KCNU1: variants seen among roughly 807,000 people sequenced by gnomAD.
The protein encoded by KCNU1 is potassium channel subfamily U member 1.
A neutral mutation model predicts 126.8 loss-of-function variants in KCNU1; 93 were observed. The ratio of observed to expected loss-of-function variants is 0.73; its 90% CI spans 0.62 to 0.87. The LOEUF (loss-of-function observed/expected upper bound fraction) is 0.87. Among genes scored for constraint, KCNU1 ranks in the 40% least tolerant of loss-of-function variants. KCNU1 has a pLI of 0.00. For missense variants in KCNU1, 1,330 were observed against 1,367.1 expected (o/e 0.97, Z 0.43); for synonymous variants, 523 against 494.2 (o/e 1.06, Z -0.77).
At chr8:36,821,454 A>G (rs1465771674) in intron 10 of KCNU1, among the ~76,000 whole-genome samples, 2 of 152,116 alleles carry the variant, frequency 1.3e-5, no homozygotes, top group Non-Finnish European at 2.9e-5. Flanking sequence ...TCACTTCTCC[A>G]TTCAGTTCAC....
At position 36,871,896 on chromosome 8, in the gene KCNU1, G is replaced by C. The variant is rs746274055; in HGVS notation, c.2009+7375G>C. Reference sequence around the variant, plus strand: ...ATAATCTCCTAAAAGGCAGGAATGAGACCTTGTCTGTTTAGGGTCATATAT... The same window carrying C: ...ATAATCTCCTAAAAGGCAGGAATGACACCTTGTCTGTTTAGGGTCATATAT... On this transcript the variant is annotated intron_variant, in intron 19 of 26. Coordinates refer to ENST00000399881, the MANE Select transcript of KCNU1 (RefSeq NM_001031836.3). 6.2e-4 allele frequency among the ~76,000 whole-genome samples: 94 copies of C among 152,134 alleles called. 2 individuals carry two copies. The highest frequency in any genetic ancestry group is 1.8e-4 in the Non-Finnish European group (12 of 68,022).
chr8:36,847,314 G>T (rs562130538), intron 18 of KCNU1, among the ~76,000 whole-genome samples: 1 of 152,040 alleles, frequency 6.6e-6, no homozygotes, highest in Non-Finnish European at 1.5e-5. Context: ...TCAAATCGGG[G>T]TAATTAGCAT....
chr8:36,814,551 G>A (rs1215548593), intron 8 of KCNU1, among the ~76,000 whole-genome samples, 174 bp downstream of exon 8: 3 of 152,148 alleles, frequency 2.0e-5, no homozygotes, highest in Non-Finnish European at 4.4e-5. Context: ...TGCATCCCCT[G>A]GAGCTCAGGA....
chr8:36,806,455 T>G, intron 5 of KCNU1, 75 bp downstream of exon 5: 2 of 765,724 alleles, frequency 2.6e-6, no homozygotes, highest in Non-Finnish European at 4.3e-6. Context: ...TAAGTATCTA[T>G]TTTTCATTTG....
rs541204964 is a variant in KCNU1 at position 36,889,289 on chromosome 8, T to C, written c.2010-16419T>C. 6.8e-5 allele frequency: 36 copies of C among 528,192 alleles called. No individual in the cohort carries two copies. The East Asian group carries it at 1.9e-3, about 27-fold the overall frequency. 32.7% of individuals were successfully genotyped at this position (528,192 alleles called of 1,614,324 possible). A position where few individuals can be genotyped will look rare whatever the true frequency, so the allele number is the denominator to read the frequency against. ...CCATATATGATTTTTTAAGGAATGG[T>C]TTAGAAATTAAAAGATGTTAAGAAA... On this transcript the variant is annotated intron_variant, in intron 19 of 26. Transcript: ENST00000399881.
intron 25 of KCNU1, 47 bp from the exon 26 acceptor site, chr8:36,932,872 CT>C (rs1396291785): frequency 7.3e-6 from 8 of 1,091,676 alleles, no homozygotes; most frequent in Non-Finnish European, 1.1e-5. Context: ...CTTATAATTG[CT>C]TGATCAAAGT....
intron 2 of KCNU1, among the ~76,000 whole-genome samples, chr8:36,794,495 C>T (rs1803021365): frequency 6.6e-6 from 1 of 151,120 alleles, no homozygotes; most frequent in Middle Eastern, 3.4e-3. Context: ...ATTTTTTTTC[C>T]AATTTATCTT....
chr8:36,846,314 A>G (rs1805142946), intron 18 of KCNU1, among the ~76,000 whole-genome samples: 1 of 152,164 alleles, frequency 6.6e-6, no homozygotes, highest in South Asian at 2.1e-4. Context: ...TCATGACCAT[A>G]CCTTAAGTAC....
At chr8:36,836,209 C>T (rs1804740657) in intron 12 of KCNU1, 87 bp from the exon 13 acceptor site, 5 of 819,722 alleles carry the variant, frequency 6.1e-6, no homozygotes, top group Admixed American at 4.3e-5. Context: ...CACTTACCTA[C>T]ATATCAATTT....
In KCNU1 at chr8:36,845,842, A is replaced by G. The variant is rs1232920238; in HGVS notation, c.1834A>G (p.Ile612Val). Reference protein sequence around the residue: ...YCSVCHDDVFIPELITNCGCK... With the variant: ...YCSVCHDDVFVPELITNCGCK... Reference sequence around the variant, plus strand: ...TTCAGTCTGTCATGATGATGTGTTCATTCCTGAGCTAATTACAAACTGTGG... The same window carrying G: ...TTCAGTCTGTCATGATGATGTGTTCGTTCCTGAGCTAATTACAAACTGTGG... The change falls in exon 18 of 27, where the codon ATT becomes GTT. Residue 612 changes from isoleucine (I) to valine (V), a missense_variant. By Grantham distance (29) the Ile-to-Val change is conservative. Transcript: ENST00000399881. 17 of 1,610,184 alleles carry G rather than the reference A, an allele frequency of 1.1e-5. 1 individual carries two copies. In the South Asian group the frequency reaches 1.8e-4, roughly 17 times the overall value.
At chr8:36,819,502 C>T (rs1804044771) in intron 10 of KCNU1, among the ~76,000 whole-genome samples, 1 of 152,112 alleles carries the variant, frequency 6.6e-6, no homozygotes, top group Non-Finnish European at 1.5e-5. Context: ...TATGTAAATC[C>T]TAATTCTGTT....
chr8:36,923,479 C>T (rs1270751613), intron 24 of KCNU1, among the ~76,000 whole-genome samples: 2 of 152,134 alleles, frequency 1.3e-5, no homozygotes, highest in Non-Finnish European at 1.5e-5. Flanking sequence ...GTGACCCCAG[C>T]TCTGGGGGAG....
At chr8:36,847,586 G>A (rs1375289322) in intron 18 of KCNU1, among the ~76,000 whole-genome samples, 3 of 152,074 alleles carry the variant, frequency 2.0e-5, no homozygotes, top group African/African-American at 7.2e-5. Flanking sequence ...CCATGTGTGG[G>A]TGAACATGTG....
chr8:36,847,805 C>G (rs552880083), intron 18 of KCNU1, among the ~76,000 whole-genome samples: 1 of 152,260 alleles, frequency 6.6e-6, no homozygotes, highest in South Asian at 2.1e-4. Flanking sequence ...TTTTGATACA[C>G]TGATTATTTT....
chr8:36,909,972 A>G (rs1489777498), intron 21 of KCNU1, among the ~76,000 whole-genome samples: 2 of 152,168 alleles, frequency 1.3e-5, no homozygotes, highest in Non-Finnish European at 2.9e-5. Context: ...GACATTTTAT[A>G]TGGACCATAT....
At chr8:36,861,254 C>T (rs1365373744) in intron 18 of KCNU1, among the ~76,000 whole-genome samples, 3 of 152,190 alleles carry the variant, frequency 2.0e-5, no homozygotes, top group Non-Finnish European at 2.9e-5. Flanking sequence ...TATTGCACTC[C>T]TATATTTGTG....
intron 18 of KCNU1, among the ~76,000 whole-genome samples, chr8:36,859,856 A>G (rs1805665014): frequency 6.6e-6 from 1 of 152,208 alleles, no homozygotes; most frequent in South Asian, 2.1e-4. Flanking sequence ...TTAAATGAGA[A>G]TATCAGTACA....
chr8:36,839,473 G>A (rs7016257), intron 14 of KCNU1, among the ~76,000 whole-genome samples: 8,039 of 152,294 alleles, frequency 0.053, 743 homozygotes, highest in African/African-American at 0.18. Context: ...CCCGCCTCAT[G>A]AGAGGACTTT....
intron 7 of KCNU1, among the ~76,000 whole-genome samples, chr8:36,811,693 A>T (rs1260920516): frequency 6.6e-6 from 1 of 152,196 alleles, no homozygotes; most frequent in East Asian, 1.9e-4. Context: ...GCACTTTGGG[A>T]GGCCAGGGGA....
Sources: gnomAD v4.1 joint callset for allele counts (sites outside exome capture counted in the v4.1 genomes callset) on GRCh38, gnomAD v4.1.1 for gene constraint, MANE v1.5 for transcripts, NCBI Gene and HGNC (gene_info 2026-07-23, HGNC 2026-07-21) for gene names.